Variants in CSMD1 observed in about 807,000 individuals in gnomAD.
CSMD1 encodes CUB and sushi domain-containing protein 1.
CSMD1 carries 213 observed loss-of-function variants against 417.5 expected under a neutral mutation model. That is an observed-to-expected ratio of 0.51 (90% CI 0.46 to 0.57). CSMD1 has a LOEUF of 0.57. Ranked by LOEUF, CSMD1 falls within the 20% of genes least tolerant of loss-of-function variation. The pLI, the probability that CSMD1 is intolerant of heterozygous loss-of-function variation, is 0.00. For synonymous variants in CSMD1, 2,862 were observed against 1,736.8 expected (o/e 1.65, Z -16.11); for missense variants, 6,923 against 4,529.7 (o/e 1.53, Z -15.17).
chr8:4,702,582 G>T (rs992602343), intron 1 of CSMD1, among the ~76,000 whole-genome samples: 2 of 152,180 alleles, frequency 1.3e-5, no homozygotes, highest in East Asian at 3.9e-4. Context: ...TTCCGTAGGA[G>T]AACACACTGC....
rs140680293 is a variant in CSMD1 at position 3,697,273 on chromosome 8, A to G, written c.1009+11141T>C. On this transcript the variant is annotated intron_variant, in intron 7 of 69. Coordinates refer to ENST00000635120, the MANE Select transcript of CSMD1 (RefSeq NM_033225.6). ...ATTCTGTAATTCTGTAAGCACTCTA[A>G]TGAAAGGATTTAACCAGAAAACATT... 3.2e-3 allele frequency among the ~76,000 whole-genome samples: 485 copies of G among 152,302 alleles called. 8 individuals are homozygous for G. Among genetic ancestry groups the G allele is most frequent in the Admixed American group, 0.021 (316 of 15,296 alleles).
intron 3 of CSMD1, among the ~76,000 whole-genome samples, chr8:4,343,917 C>T (rs1255319450): frequency 6.6e-6 from 1 of 152,124 alleles, no homozygotes; most frequent in Non-Finnish European, 1.5e-5. Flanking sequence ...CTTTTAAATA[C>T]TGCCAAGAGA....
At chr8:3,893,294 T>C (rs1410838305) in intron 5 of CSMD1, among the ~76,000 whole-genome samples, 2 of 139,774 alleles carry the variant, frequency 1.4e-5, no homozygotes, top group East Asian at 2.2e-4. Context: ...TGATTTCTTA[T>C]TGTAAAGAAA....
At chr8:4,710,480 A>ATATATG (rs1191110522) in intron 1 of CSMD1, among the ~76,000 whole-genome samples, 4 of 148,044 alleles carry the variant, frequency 2.7e-5, no homozygotes, top group Non-Finnish European at 6.0e-5. Flanking sequence ...ATATATATAT[A>ATATATG]TGTATCTCTG....
At chr8:3,531,298 G>A (rs191779969) in intron 10 of CSMD1, among the ~76,000 whole-genome samples, 1 of 152,194 alleles carries the variant, frequency 6.6e-6, no homozygotes. Context: ...TTGTTGTTGT[G>A]TGAGTACTAG....
intron 7 of CSMD1, among the ~76,000 whole-genome samples, chr8:3,673,157 C>G (rs989007758): frequency 1.3e-5 from 2 of 152,164 alleles, no homozygotes; most frequent in Admixed American, 1.3e-4. Context: ...AACTCTGATG[C>G]TATGTCATTA....
intron 21 of CSMD1, among the ~76,000 whole-genome samples, chr8:3,352,237 G>A (rs1031008546): frequency 6.6e-6 from 1 of 152,144 alleles, no homozygotes; most frequent in African/African-American, 2.4e-5. Flanking sequence ...CATGACTGAA[G>A]TGGAGCATCA....
At chr8:3,773,361 G>A (rs1179064848) in intron 5 of CSMD1, among the ~76,000 whole-genome samples, 2 of 152,138 alleles carry the variant, frequency 1.3e-5, no homozygotes, top group Admixed American at 6.5e-5. Context: ...TCAGCTCACT[G>A]TAGCCTCGAC....
At chr8:4,348,246 C>T (rs1584937279) in intron 3 of CSMD1, among the ~76,000 whole-genome samples, 1 of 152,106 alleles carries the variant, frequency 6.6e-6, no homozygotes, top group Non-Finnish European at 1.5e-5. Context: ...GTGCTCTTGA[C>T]TATCTCTTCA....
chr8:4,139,161 T>C (rs1352221877), intron 3 of CSMD1, among the ~76,000 whole-genome samples: 1 of 152,188 alleles, frequency 6.6e-6, no homozygotes, highest in Non-Finnish European at 1.5e-5. Flanking sequence ...TTTTATCACA[T>C]GAAACCCTTT....
chr8:4,463,298 G>A (rs79778049), intron 2 of CSMD1, among the ~76,000 whole-genome samples: 2,358 of 152,266 alleles, frequency 0.015, 29 homozygotes, highest in Non-Finnish European at 0.024. Flanking sequence ...GTGTTGGTGA[G>A]GAGGTGTATG....
intron 3 of CSMD1, among the ~76,000 whole-genome samples, chr8:4,082,337 A>C (rs1800182396): frequency 6.6e-6 from 1 of 152,184 alleles, no homozygotes; most frequent in Non-Finnish European, 1.5e-5. Flanking sequence ...AACTTTTTTA[A>C]AGTTAAAATG....
chr8:3,649,979 TA>T (rs1174274359), intron 7 of CSMD1, among the ~76,000 whole-genome samples: 6 of 152,088 alleles, frequency 3.9e-5, no homozygotes, highest in African/African-American at 1.4e-4. Context: ...TAGGAGAGGT[TA>T]AAAAAATGAT....
chr8:4,651,775 G>A (rs961735908), intron 1 of CSMD1, among the ~76,000 whole-genome samples: 1 of 152,134 alleles, frequency 6.6e-6, no homozygotes. Flanking sequence ...TATTTAATGG[G>A]CAAGCTGTGT....
intron 3 of CSMD1, among the ~76,000 whole-genome samples, chr8:4,158,661 G>A (rs143368838): frequency 5.3e-5 from 8 of 152,172 alleles, no homozygotes; most frequent in African/African-American, 1.4e-4. Context: ...GAAGATCAAC[G>A]CCGTAATAAT....
At chr8:3,869,311 C>G (rs1001481118) in intron 5 of CSMD1, among the ~76,000 whole-genome samples, 5 of 152,184 alleles carry the variant, frequency 3.3e-5, no homozygotes, top group Non-Finnish European at 5.9e-5. Flanking sequence ...CTTCATTTCT[C>G]TCCATGGCAT....
Position 3,029,405 on chromosome 8 carries a change from G to T in CSMD1, c.7769C>A (p.Pro2590His). 1 of 1,611,840 alleles carries T rather than the reference G, an allele frequency of 6.2e-7. No homozygotes were observed. The highest frequency in any genetic ancestry group is 1.1e-5 in the South Asian group (1 of 90,718). ...YGAQVLLSCS[P>H]GYYLEGWRLL... ...CCTCCAGCCTTCTAAGTAGTAACCA[G>T]GACTGCAGCTCAGCAATACTTGAGC... Residue 2590 changes from proline (P) to histidine (H), a missense_variant, in exon 51 of 70, where the codon CCT becomes CAT. Coordinates refer to ENST00000635120, the MANE Select transcript of CSMD1 (RefSeq NM_033225.6).
At chr8:4,111,697 C>G (rs1350319929) in intron 3 of CSMD1, among the ~76,000 whole-genome samples, 1 of 152,174 alleles carries the variant, frequency 6.6e-6, no homozygotes, top group African/African-American at 2.4e-5. Context: ...CATGTTCTCA[C>G]TTATAAGTGG....
At chr8:3,296,656 C>G (rs1362713437) in intron 25 of CSMD1, among the ~76,000 whole-genome samples, 1 of 152,152 alleles carries the variant, frequency 6.6e-6, no homozygotes, top group Non-Finnish European at 1.5e-5. Flanking sequence ...TGGAGGTACC[C>G]AGGCACTGGT....
Sources: allele counts gnomAD v4.1 joint callset (sites outside exome capture counted in the v4.1 genomes callset), GRCh38; gene constraint gnomAD v4.1.1; transcripts MANE v1.5; gene names NCBI Gene and HGNC (gene_info 2026-07-23, HGNC 2026-07-21).